RMST: variants seen among roughly 807,000 people sequenced by gnomAD.
The protein encoded by RMST is long intergenic non-protein coding RNA 54.
intron 5 of RMST, among the ~76,000 whole-genome samples, chr12:97,469,526 A>G (rs188229142): frequency 6.6e-6 from 1 of 152,012 alleles, no homozygotes; most frequent in East Asian, 1.9e-4. Context: ...TTTCTAATTT[A>G]ATTTTCTCAG....
chr12:97,478,007 G>C (rs947246835), intron 5 of RMST, among the ~76,000 whole-genome samples: 1 of 152,164 alleles, frequency 6.6e-6, no homozygotes, highest in African/African-American at 2.4e-5. Context: ...TAAGTGAATA[G>C]AGCAGAAACA....
chr12:97,513,038 G>A (rs922452807), intron 10 of RMST, among the ~76,000 whole-genome samples: 2 of 152,224 alleles, frequency 1.3e-5, no homozygotes, highest in African/African-American at 4.8e-5. Context: ...CCAACTGCGG[G>A]GTCCGCCGAG....
intron 11 of RMST, among the ~76,000 whole-genome samples, chr12:97,538,019 A>G (rs539789756): frequency 9.9e-5 from 15 of 151,580 alleles, no homozygotes; most frequent in African/African-American, 3.4e-4. Flanking sequence ...CCCAAAGATG[A>G]AGATGGATAA....
At chr12:97,559,584 C>T (rs1433204596) in intron 11 of RMST, among the ~76,000 whole-genome samples, 1 of 151,888 alleles carries the variant, frequency 6.6e-6, no homozygotes, top group Non-Finnish European at 1.5e-5. Flanking sequence ...GGAATATCAA[C>T]ACTGGGATCA....
intron 11 of RMST, among the ~76,000 whole-genome samples, chr12:97,531,448 C>T (rs76796332): frequency 0.018 from 2,780 of 152,022 alleles, 32 homozygotes; most frequent in Middle Eastern, 0.037. Flanking sequence ...AGACTATTTA[C>T]GTGTATTTTC....
intron 11 of RMST, among the ~76,000 whole-genome samples, chr12:97,553,614 A>C (rs1883467056): frequency 6.6e-6 from 1 of 152,096 alleles, no homozygotes; most frequent in Admixed American, 6.6e-5. Flanking sequence ...CTTTGGCTTA[A>C]CTCAACTTCA....
rs182916212 is a variant in RMST at position 97,553,234 on chromosome 12, C to T, written n.1546-7303C>T. 3.8e-3 allele frequency among the ~76,000 whole-genome samples: 558 copies of T among 148,144 alleles called. 1 individual carries two copies. Among genetic ancestry groups the T allele is most frequent in the Admixed American group, 6.1e-3 (92 of 15,040 alleles). ...TTTGCCTGTGATAATAACAAAATAG[C>T]GATACATTTTACCTTTTAAAGTTGT... On this transcript the variant is annotated intron_variant and non_coding_transcript_variant, in intron 11 of 13. Coordinates refer to ENST00000640149, the Ensembl canonical transcript of RMST.
intron 8 of RMST, chr12:97,494,669 T>C (rs887538544): frequency 2.6e-5 from 4 of 152,082 alleles, no homozygotes; most frequent in African/African-American, 9.7e-5. Context: ...AAATTCTTAC[T>C]TTTTTTTCTT....
Position 97,536,978 on chromosome 12 carries a change from G to A in RMST, n.1545+6119G>A, listed in dbSNP as rs1042889391. Among the ~76,000 whole-genome samples, 46 of 151,418 alleles carry A rather than the reference G, an allele frequency of 3.0e-4. 1 individual carries two copies. Among genetic ancestry groups the A allele is most frequent in the African/African-American group, 1.0e-3 (43 of 41,352 alleles). On this transcript the variant is annotated intron_variant and non_coding_transcript_variant, in intron 11 of 13. Coordinates refer to ENST00000640149, the Ensembl canonical transcript of RMST. ...GATCAGTTTGGTTTATGTTTGGAGAGAGAGAGAGGAAAAACAACTTAGAGT... is the reference window on the plus strand; with the variant it reads ...GATCAGTTTGGTTTATGTTTGGAGAAAGAGAGAGGAAAAACAACTTAGAGT...
At chr12:97,488,952 T>A (rs1158770897) in intron 5 of RMST, among the ~76,000 whole-genome samples, 1 of 152,144 alleles carries the variant, frequency 6.6e-6, no homozygotes, top group Non-Finnish European at 1.5e-5. Flanking sequence ...ACTCAGATTA[T>A]TGAGAAGTAT....
intron 10 of RMST, among the ~76,000 whole-genome samples, chr12:97,504,382 C>T (rs1052137727): frequency 3.2e-5 from 4 of 126,074 alleles, no homozygotes; most frequent in East Asian, 2.3e-4. Context: ...CCAACCTGGG[C>T]GACAGAGTGA....
At chr12:97,538,791 T>C (rs183214023) in intron 11 of RMST, among the ~76,000 whole-genome samples, 1 of 151,526 alleles carries the variant, frequency 6.6e-6, no homozygotes, top group East Asian at 1.9e-4. Context: ...CCCAAAGTTT[T>C]GTGTAATTTG....
At chr12:97,467,390 T>G (rs1873324564) in intron 5 of RMST, among the ~76,000 whole-genome samples, 1 of 151,992 alleles carries the variant, frequency 6.6e-6, no homozygotes, top group South Asian at 2.1e-4. Flanking sequence ...CTGACATCAA[T>G]TTTTCTGTAC....
intron 10 of RMST, among the ~76,000 whole-genome samples, chr12:97,509,619 G>C (rs1879072766): frequency 6.6e-6 from 1 of 151,856 alleles, no homozygotes; most frequent in Non-Finnish European, 1.5e-5. Context: ...TCCCTCCCCT[G>C]ACCCTTCTCC....
At chr12:97,482,482 C>T (rs1039818251) in intron 5 of RMST, among the ~76,000 whole-genome samples, 4 of 151,636 alleles carry the variant, frequency 2.6e-5, no homozygotes, top group Non-Finnish European at 5.9e-5. Flanking sequence ...TGATTTTCGA[C>T]ATCATGGAAA....
chr12:97,463,017 G>GTCTCTCTATCTCTCTC (rs1555228361), intron 3 of RMST: 1 of 129,898 alleles, frequency 7.7e-6, no homozygotes, highest in Non-Finnish European at 1.7e-5. Flanking sequence ...CAAGTCAGCA[G>GTCTCTCTATCTCTCTC]TCTCTCTCTC....
At chr12:97,487,708 G>T (rs540649594) in intron 5 of RMST, among the ~76,000 whole-genome samples, 8 of 152,276 alleles carry the variant, frequency 5.3e-5, no homozygotes, top group Admixed American at 3.3e-4. Context: ...TCCCCACATA[G>T]TTACTGCATG....
intron 11 of RMST, chr12:97,541,287 A>C (rs1028511601): frequency 6.6e-6 from 1 of 151,768 alleles, no homozygotes; most frequent in Non-Finnish European, 1.5e-5. Flanking sequence ...GTATTACTTC[A>C]GTGAAAACAG....
At chr12:97,464,580 T>G (rs1175997793) in intron 4 of RMST, among the ~76,000 whole-genome samples, 1 of 152,176 alleles carries the variant, frequency 6.6e-6, no homozygotes, top group Non-Finnish European at 1.5e-5. Flanking sequence ...TTGTGGCACC[T>G]TTTGTAATGG....
Sources: allele counts gnomAD v4.1 joint callset (sites outside exome capture counted in the v4.1 genomes callset), GRCh38; gene constraint gnomAD v4.1.1; transcripts MANE v1.5; gene names NCBI Gene and HGNC (gene_info 2026-07-23, HGNC 2026-07-21).